The following ARSG variants were observed in gnomAD, a reference collection of about 807,000 sequenced individuals.
ARSG encodes ASG.
ARSG carries 37 observed loss-of-function variants against 50.5 expected under a neutral mutation model. That is an observed-to-expected ratio of 0.73 (90% confidence interval 0.56 to 0.96). The LOEUF is 0.96. Ranked by LOEUF, ARSG falls within the 50% of genes least tolerant of loss-of-function variation. The pLI is 0.00. For missense variants in ARSG, 629 were observed against 675.3 expected (o/e 0.93, Z 0.76); for synonymous variants, 225 against 254.6 (o/e 0.88, Z 1.11).
rs769238862 is a variant in ARSG at position 68,420,201 on chromosome 17, C to T, written c.1316C>T (p.Ala439Val). 1 of 1,613,918 alleles carries T rather than the reference C, an allele frequency of 6.2e-7. No homozygotes were observed. The highest frequency in any genetic ancestry group is 8.5e-7 in the Non-Finnish European group (1 of 1,179,968). Residue 439 changes from alanine to valine, a missense_variant, in exon 12 of 12, where the codon GCG (alanine) becomes GTG (valine). Coordinates refer to ENST00000621439, the MANE Select transcript of ARSG (RefSeq NM_001267727.2). ...KAFYITGGAR[A>V]CDGSTGPELQ... ...ATTCCCTCTCTAGGTGGAGCCAGGG[C>T]GTGTGATGGGAGCACGGGGCCTGAG...
chr17:68,340,438 C>T (rs780721473), intron 2 of ARSG, among the ~76,000 whole-genome samples: 1 of 151,986 alleles, frequency 6.6e-6, no homozygotes, highest in Non-Finnish European at 1.5e-5. Context: ...GCGTGTGCCA[C>T]CATGTCCGGC....
Position 68,395,054 on chromosome 17 carries a change from A to G in ARSG, c.1092-19A>G. Reference sequence around the variant, plus strand: ...GAGTCAGAAGAGCTGGGGACAACTCAGTCTTGTTATTTCCGCAGCGTGCTG... The same window carrying G: ...GAGTCAGAAGAGCTGGGGACAACTCGGTCTTGTTATTTCCGCAGCGTGCTG... On this transcript the variant is annotated intron_variant, in intron 9 of 11. Transcript: ENST00000621439. 1.2e-6 allele frequency: 2 copies of G among 1,613,336 alleles called. No individual in the cohort carries two copies. Among genetic ancestry groups the G allele is most frequent in the Non-Finnish European group, 1.7e-6 (2 of 1,179,530 alleles).
chr17:68,266,039 A>C (rs2075152843), intron 1 of ARSG, among the ~76,000 whole-genome samples: 1 of 152,146 alleles, frequency 6.6e-6, no homozygotes, highest in East Asian at 1.9e-4. Flanking sequence ...TACAGGTTGC[A>C]ACAGTTCTTG....
intron 11 of ARSG, among the ~76,000 whole-genome samples, chr17:68,408,224 T>C (rs987624284): frequency 3.3e-5 from 5 of 151,464 alleles, no homozygotes; most frequent in Non-Finnish European, 7.4e-5. Flanking sequence ...GCTGCACCCA[T>C]TAACTCGTCA....
chr17:68,310,024 C>T (rs111976229), intron 2 of ARSG, among the ~76,000 whole-genome samples: 3,620 of 149,088 alleles, frequency 0.024, 143 homozygotes, highest in African/African-American at 0.086. Flanking sequence ...CCCAGGTTGG[C>T]GTGCAGTGGC....
At chr17:68,278,786 A>C (rs1480782022) in intron 1 of ARSG, among the ~76,000 whole-genome samples, 1 of 151,656 alleles carries the variant, frequency 6.6e-6, no homozygotes, top group Non-Finnish European at 1.5e-5. Context: ...CACCCGGCTA[A>C]TTTTTGTATT....
chr17:68,300,312 C>T (rs981139446), intron 1 of ARSG, among the ~76,000 whole-genome samples: 4 of 152,132 alleles, frequency 2.6e-5, no homozygotes, highest in Non-Finnish European at 5.9e-5. Flanking sequence ...AAGGAGAGAG[C>T]CAGCCTGACC....
At chr17:68,445,054 G>A in the ARSG span, among the ~76,000 whole-genome samples, 2 of 151,676 alleles carry the variant, frequency 1.3e-5, no homozygotes, top group African/African-American at 2.4e-5. Flanking sequence ...CTGAGTAGCT[G>A]GGATTACATG....
At chr17:68,351,233 T>C (rs1486319247) in intron 4 of ARSG, among the ~76,000 whole-genome samples, 2 of 152,022 alleles carry the variant, frequency 1.3e-5, no homozygotes, top group Non-Finnish European at 2.9e-5. Context: ...TTTTTTTTTA[T>C]CCCTTAAAGT....
At chr17:68,431,142 G>T in the ARSG span, among the ~76,000 whole-genome samples, 1 of 152,176 alleles carries the variant, frequency 6.6e-6, no homozygotes, top group African/African-American at 2.4e-5. Flanking sequence ...CTGCATTCCA[G>T]ATTGAGAGAG....
At position 68,391,114 on chromosome 17, in the gene ARSG, G is replaced by A. The variant is rs540800956; in HGVS notation, c.1092-3959G>A. On this transcript the variant is annotated intron_variant, in intron 9 of 11. Coordinates refer to ENST00000621439, the MANE Select transcript of ARSG (RefSeq NM_001267727.2). ...AAGACTCCCAGGCCCAATTTCTTTG[G>A]TGGGGTTTGAGGTTTGGAGTAGCTG... is the stretch of plus-strand genomic sequence containing the variant. Among the ~76,000 whole-genome samples the A allele has an allele frequency of 2.6e-5, 4 of 152,166 alleles. No homozygotes were observed. The South Asian group carries it at 8.3e-4, about 32-fold the overall frequency.
chr17:68,375,914 G>A (rs1439992511), intron 8 of ARSG, among the ~76,000 whole-genome samples: 2 of 152,082 alleles, frequency 1.3e-5, no homozygotes, highest in African/African-American at 2.4e-5. Flanking sequence ...TGGAACCATG[G>A]GAAGATTTTA....
chr17:68,286,982 C>CTTTTTG (rs1293929941), upstream of ARSG, among the ~76,000 whole-genome samples: 1 of 152,068 alleles, frequency 6.6e-6, no homozygotes, highest in Admixed American at 6.6e-5. Flanking sequence ...AGATGGTGGA[C>CTTTTTG]TTTTTGTTTT....
At chr17:68,304,668 A>C (rs188832322) in intron 1 of ARSG, among the ~76,000 whole-genome samples, 1 of 152,274 alleles carries the variant, frequency 6.6e-6, no homozygotes, top group East Asian at 1.9e-4. Context: ...TGGATGTTCA[A>C]CTGAAGCTTT....
chr17:68,401,545 C>A, intron 11 of ARSG, 95 bp downstream of exon 11: 1 of 1,150,820 alleles, frequency 8.7e-7, no homozygotes, highest in Non-Finnish European at 1.2e-6. Context: ...GAGTGTGAGT[C>A]CCTCCTTTGT....
chr17:68,321,630 C>T (rs928997404), intron 2 of ARSG, among the ~76,000 whole-genome samples: 3 of 152,156 alleles, frequency 2.0e-5, no homozygotes, highest in Non-Finnish European at 4.4e-5. Context: ...AACTTTGCAA[C>T]GTTATGTCTC....
At chr17:68,437,045 G>A in the ARSG span, among the ~76,000 whole-genome samples, 1 of 62,494 alleles carries the variant, frequency 1.6e-5, no homozygotes, top group African/African-American at 8.0e-5. Context: ...TGTATATATT[G>A]CTCATTTTTA....
At chr17:68,312,607 C>T (rs7208861) in intron 2 of ARSG, among the ~76,000 whole-genome samples, 104,348 of 151,958 alleles carry the variant, frequency 0.69, 38,511 homozygotes, top group Non-Finnish European at 0.83. Flanking sequence ...TCGTTGGGCT[C>T]TCCTTCTCCC....
chr17:68,383,215 C>A (rs531037138), intron 8 of ARSG, among the ~76,000 whole-genome samples: 1 of 152,266 alleles, frequency 6.6e-6, no homozygotes, highest in African/African-American at 2.4e-5. Flanking sequence ...TTGAAGGGAT[C>A]CCTAATTGGT....
Sources: allele counts gnomAD v4.1 joint callset (sites outside exome capture counted in the v4.1 genomes callset), GRCh38; gene constraint gnomAD v4.1.1; transcripts MANE v1.5; gene names NCBI Gene and HGNC (gene_info 2026-07-23, HGNC 2026-07-21).